Variants in IL18R1 observed in about 807,000 individuals in gnomAD.
IL18R1 encodes interleukin 18 receptor 1, also known as interleukin-18 receptor 1.
Under a neutral mutation model 48.5 loss-of-function variants are expected in IL18R1, and 40 were observed. That is an observed-to-expected ratio of 0.82 (90% CI 0.64 to 1.07). The LOEUF is 1.07. Among genes scored for constraint, IL18R1 ranks in the 50% least tolerant of loss-of-function variants. IL18R1 has a pLI of 0.00. For missense variants in IL18R1, 596 were observed against 633.7 expected, an observed-to-expected ratio of 0.94 and a Z score of 0.64; for synonymous variants, 232 against 225.9, an observed-to-expected ratio of 1.03 and a Z score of -0.24.
At chr2:102,367,609 G>A (rs1047088014) in intron 2 of IL18R1, among the ~76,000 whole-genome samples, 8 of 152,084 alleles carry the variant, frequency 5.3e-5, no homozygotes, top group Admixed American at 2.6e-4. Flanking sequence ...ACTGTCAGAA[G>A]TTGTGTTTTC....
At chr2:102,357,566 A>G (rs912257970) in intron 1 of IL18R1, among the ~76,000 whole-genome samples, 9 of 152,062 alleles carry the variant, frequency 5.9e-5, no homozygotes, top group Middle Eastern at 3.2e-3. Context: ...GAGCTAGTCC[A>G]GGAGTGATGG....
intron 10 of IL18R1, among the ~76,000 whole-genome samples, chr2:102,396,326 TA>T (rs919363404): frequency 6.6e-6 from 1 of 152,182 alleles, no homozygotes; most frequent in African/African-American, 2.4e-5. Flanking sequence ...TGGTACATAA[TA>T]AGTGCTAAGT....
rs577197301 is a variant in IL18R1 at position 102,386,959 on chromosome 2, C to T, written c.908C>T (p.Thr303Met). Residue 303 changes from threonine to methionine, a missense_variant, in exon 8 of 11, where the codon ACG becomes ATG. By Grantham distance (81) the Thr-to-Met change is moderately conservative. Around this residue, in one of 3 missense-constraint regions of IL18R1, gnomAD observed 57 missense variants for 88.2 expected, o/e 0.65. Transcript: ENST00000233957. ...NVLYNCTVAS[T>M]GGTDTKSFIL... The stretch of plus-strand genomic sequence containing the variant: ...TTATATAATTGCACTGTGGCCAGCA[C>T]GGGAGGCACAGACACCAAAAGCTTC... The T allele has an allele frequency of 1.3e-5, 21 of 1,613,826 alleles. No individual in the cohort carries two copies. Among genetic ancestry groups the T allele is most frequent in the South Asian group, 3.3e-5 (3 of 91,018 alleles).
At position 102,396,850 on chromosome 2, in the gene IL18R1, C is replaced by G. The variant is rs773792733; in HGVS notation, c.1590C>G (p.Asp530Glu). ...MPAKTVKPGR[D>E]EPEVLPVLSE... ...CAAAAACAGTCAAGCCAGGTAGAGA[C>G]GAACCGGAAGTCTTGCCTGTTCTTT... is the stretch of plus-strand genomic sequence containing the variant. Residue 530 changes from aspartate (D) to glutamate (E), a missense_variant, in exon 11 of 11, where the codon GAC (aspartate) becomes GAG (glutamate). Transcript: ENST00000233957. The G allele has an allele frequency of 6.2e-7, 1 of 1,603,296 alleles. No homozygotes were observed. The highest frequency in any genetic ancestry group is 1.1e-5 in the South Asian group (1 of 88,736).
intron 7 of IL18R1, among the ~76,000 whole-genome samples, chr2:102,386,627 C>A (rs887310146): frequency 6.6e-6 from 1 of 152,204 alleles, no homozygotes; most frequent in Non-Finnish European, 1.5e-5. Flanking sequence ...ATTTAAACTT[C>A]AGGTAATTGA....
At chr2:102,375,195 G>A (rs949950328) in intron 4 of IL18R1, among the ~76,000 whole-genome samples, 8 of 152,144 alleles carry the variant, frequency 5.3e-5, no homozygotes, top group Admixed American at 2.0e-4. Context: ...TGGCCATTCA[G>A]CCCCCAGACA....
rs892111523 is a variant in IL18R1 at position 102,385,052 on chromosome 2, A to G, written c.809+54A>G. The G allele has an allele frequency of 1.2e-5, 12 of 970,616 alleles. No individual in the cohort carries two copies. In the African/African-American group the frequency reaches 1.9e-4, roughly 15 times the overall value. The allele number at this position is 970,616 out of a possible 1,614,324, so 60.1% of individuals were successfully genotyped here. A position where few individuals can be genotyped will look rare whatever the true frequency, so the allele number is the denominator to read the frequency against. On this transcript the variant is annotated intron_variant, in intron 7 of 10. Coordinates refer to ENST00000233957, the MANE Select transcript of IL18R1 (RefSeq NM_003855.5). ...TATATACCATATAACAATCATATAT[A>G]TTATATATAACATCATATTAAAAAC...
In IL18R1 at chr2:102,374,287, G is replaced by A. The variant is rs150455171; in HGVS notation, c.469-1620G>A. ...GAACAGAACTTGGGAAATCTGAAGCGAGTGATGATAATATCCTTGAAATTT... is the reference window on the plus strand; with the variant it reads ...GAACAGAACTTGGGAAATCTGAAGCAAGTGATGATAATATCCTTGAAATTT... On this transcript the variant is annotated intron_variant, in intron 4 of 10. Coordinates refer to ENST00000233957, the MANE Select transcript of IL18R1 (RefSeq NM_003855.5). Among the ~76,000 whole-genome samples the A allele has an allele frequency of 5.3e-5, 8 of 152,320 alleles. No homozygotes were observed. The East Asian group carries it at 9.6e-4, about 18-fold the overall frequency.
At chr2:102,369,418 C>A (rs1679113667) in intron 3 of IL18R1, among the ~76,000 whole-genome samples, 1 of 152,080 alleles carries the variant, frequency 6.6e-6, no homozygotes, top group African/African-American at 2.4e-5. Context: ...GGCAGGATGT[C>A]AGAGAGAGGT....
intron 5 of IL18R1, among the ~76,000 whole-genome samples, chr2:102,378,860 G>A (rs1559626413): frequency 6.6e-6 from 1 of 152,206 alleles, no homozygotes; most frequent in South Asian, 2.1e-4. Context: ...AGTTTGCCAC[G>A]AGTCTACAGA....
chr2:102,397,149 C>A lies in IL18R1; in HGVS notation c.*263C>A. 1 of 393,322 alleles carries A rather than the reference C, an allele frequency of 2.5e-6. No homozygotes were observed. Among genetic ancestry groups the A allele is most frequent in the Non-Finnish European group, 4.5e-6 (1 of 221,570 alleles). The allele number at this position is 393,322 out of a possible 1,614,324, so 24.4% of individuals were successfully genotyped here. On this transcript the variant is annotated 3_prime_UTR_variant, in exon 11 of 11. Coordinates refer to ENST00000233957, the MANE Select transcript of IL18R1 (RefSeq NM_003855.5). ...CTCCCTCTTTCATAACTGGATGCAG[C>A]TGCTCATACTCAATCCCATATTCAG...
intron 6 of IL18R1, among the ~76,000 whole-genome samples, chr2:102,382,773 C>G (rs1272531432): frequency 6.6e-6 from 1 of 152,146 alleles, no homozygotes. Flanking sequence ...CAGCTGGGTC[C>G]TATGCCATTT....
intron 2 of IL18R1, 77 bp from the exon 3 acceptor site, chr2:102,367,748 C>G: frequency 7.8e-7 from 1 of 1,286,210 alleles, no homozygotes; most frequent in Non-Finnish European, 1.1e-6. Context: ...TCACCTAATG[C>G]ATTAGGAGAC....
At chr2:102,389,351 T>A (rs186513544) in intron 8 of IL18R1, among the ~76,000 whole-genome samples, 2 of 152,352 alleles carry the variant, frequency 1.3e-5, no homozygotes, top group Admixed American at 1.3e-4. Flanking sequence ...TGTTAAAAAT[T>A]ACTTTATTCT....
At position 102,390,126 on chromosome 2, in the gene IL18R1, A is replaced by T. The variant is rs374245841; in HGVS notation, c.1020A>T (p.Ala340=). The T allele has an allele frequency of 1.9e-6, 3 of 1,613,602 alleles. No individual in the cohort carries two copies. In the African/African-American group the frequency reaches 4.0e-5, roughly 22 times the overall value. Residue 340 remains alanine, a synonymous_variant, in exon 9 of 11, where the codon GCA becomes GCT. Transcript: ENST00000233957. ...GMIIAVLILV[A]VVCLVTVCVI... ...TCATAGCTGTTTTGATCTTGGTGGC[A>T]GTAGTGTGCCTAGTGACTGTGTGTG...
chr2:102,367,934 G>A lies in IL18R1; in HGVS notation c.168G>A (p.Trp56Ter). The change falls in exon 3 of 11, where the codon TGG becomes TGA. Residue 56 changes from tryptophan (W) to a stop codon, truncating the protein, a stop_gained. Coordinates refer to ENST00000233957, the MANE Select transcript of IL18R1 (RefSeq NM_003855.5). LOFTEE classifies it high-confidence loss of function. ...AGATTGAAACAACCACCAAAAGCTG[G>A]TACAAAAGCAGTGGATCACAGGAAC... ...AHEIETTTKS[W>*]YKSSGSQEHV... 2 of 1,614,200 alleles carry A rather than the reference G, an allele frequency of 1.2e-6. No homozygotes were observed. The highest frequency in any genetic ancestry group is 8.5e-7 in the Non-Finnish European group (1 of 1,180,028).
intron 5 of IL18R1, among the ~76,000 whole-genome samples, chr2:102,381,080 G>A (rs1251241725): frequency 6.6e-6 from 1 of 152,224 alleles, no homozygotes; most frequent in Non-Finnish European, 1.5e-5. Flanking sequence ...AGGAGCAGAA[G>A]TAGAACTTGG....
In IL18R1 at chr2:102,355,986, G is replaced by T. The variant is rs1013675012; in HGVS notation, c.-443G>T. On this transcript the variant is annotated 5_prime_UTR_variant, in exon 1 of 11. Coordinates refer to ENST00000233957, the MANE Select transcript of IL18R1 (RefSeq NM_003855.5). ...GGAGCACGGCTGCGAGGAGCACCCG[G>T]ACCGGAGGGTCCCCAGACCGGGACC... 6.6e-6 allele frequency: 1 copy of T among 152,268 alleles called. No individual in the cohort carries two copies. Among genetic ancestry groups the T allele is most frequent in the Admixed American group, 6.5e-5 (1 of 15,284 alleles). The allele number at this position is 152,268 out of a possible 1,614,324, so 9.4% of individuals were successfully genotyped here.
chr2:102,362,701 T>C lies in IL18R1; in HGVS notation c.41T>C (p.Ile14Thr). 1.9e-6 allele frequency: 3 copies of C among 1,591,726 alleles called. No homozygotes were observed. The highest frequency in any genetic ancestry group is 2.6e-6 in the Non-Finnish European group (3 of 1,163,076). Residue 14 changes from isoleucine to threonine, a missense_variant, in exon 2 of 11, where the codon ATA (isoleucine) becomes ACA (threonine). Coordinates refer to ENST00000233957, the MANE Select transcript of IL18R1 (RefSeq NM_003855.5). ...TTACCCTTGACCCTTTGGGTGCTTA[T>C]ATCTGTAAGCACTGCAGGTAAGTGA... is the stretch of plus-strand genomic sequence containing the variant. Reference protein sequence around the residue: ...RELPLTLWVLISVSTAESCTS... With the variant: ...RELPLTLWVLTSVSTAESCTS...
Sources: gnomAD v4.1 joint callset for allele counts (sites outside exome capture counted in the v4.1 genomes callset) on GRCh38, gnomAD v4.1.1 for gene constraint, gnomAD v4.1.1 regional missense constraint, MANE v1.5 for transcripts, NCBI Gene and HGNC (gene_info 2026-07-23, HGNC 2026-07-21) for gene names.